SHISAL2A: variants seen among roughly 807,000 people sequenced by gnomAD.
SHISAL2A encodes shisa like 2A, also known as protein shisa-like-2A.
In SHISAL2A, 18 loss-of-function variants were observed where a neutral mutation model predicts 11.5. The ratio of observed to expected loss-of-function variants is 1.57; its 90% CI spans 1.08 to 2.33. The LOEUF is 2.33. Among genes scored for constraint, SHISAL2A ranks in the 30% most tolerant of loss-of-function variants. The pLI is 0.00. For missense variants in SHISAL2A, 261 were observed against 250.9 expected (o/e 1.04, Z -0.27); for synonymous variants, 94 against 99.6 (o/e 0.94, Z 0.34).
At position 52,642,880 on chromosome 1, in the gene SHISAL2A, G is replaced by A. The variant is rs1196589373; in HGVS notation, c.200G>A (p.Gly67Asp). ...CTTCCCAGCATTGGCGCTCTCATAG[G>A]CCTGTCCGTAGCAGCAGTGGTTCTT... ...MWWLSIGALI[G>D]LSVAAVVLLA... Residue 67 changes from glycine to aspartate, a missense_variant, in exon 2 of 3, where the codon GGC becomes GAC. Coordinates refer to ENST00000517870, the MANE Select transcript of SHISAL2A (RefSeq NM_001042693.3). 4 of 1,613,312 alleles carry A rather than the reference G, an allele frequency of 2.5e-6. No homozygotes were observed. The highest frequency in any genetic ancestry group is 1.3e-5 in the African/African-American group (1 of 74,858).
chr1:52,633,257 G>T lies in SHISAL2A; in HGVS notation c.-237G>T. 2.9e-6 allele frequency: 1 copy of T among 341,952 alleles called. No homozygotes were observed. Among genetic ancestry groups the T allele is most frequent in the Non-Finnish European group, 5.2e-6 (1 of 191,016 alleles). The allele number at this position is 341,952 out of a possible 1,614,324, so 21.2% of individuals were successfully genotyped here. On this transcript the variant is annotated 5_prime_UTR_variant, in exon 1 of 3. Transcript: ENST00000517870. The surrounding 1 kb of genome is among the most constrained non-coding windows in gnomAD (Gnocchi z 6.4). ...CCAGCAGCCGTCACTCCCGCCGCCGGCCCCCGCCGCCCGCCCCGCCTGCCC... is the reference window on the plus strand; with the variant it reads ...CCAGCAGCCGTCACTCCCGCCGCCGTCCCCCGCCGCCCGCCCCGCCTGCCC...
At chr1:52,662,862 A>C (rs1243392630) in intron 4 of SHISAL2A, among the ~76,000 whole-genome samples, 1 of 152,186 alleles carries the variant, frequency 6.6e-6, no homozygotes, top group African/African-American at 2.4e-5. Context: ...TGCTAGGTTA[A>C]ATAGACAGTT....
downstream of SHISAL2A, among the ~76,000 whole-genome samples, chr1:52,660,104 C>T (rs1691874018): frequency 6.6e-6 from 1 of 152,142 alleles, no homozygotes; most frequent in African/African-American, 2.4e-5. Flanking sequence ...CCAGGTGATG[C>T]TGATGATGCT....
At chr1:52,636,978 C>G (rs2149872815) in intron 1 of SHISAL2A, among the ~76,000 whole-genome samples, 2 of 152,320 alleles carry the variant, frequency 1.3e-5, no homozygotes, top group African/African-American at 4.8e-5. Flanking sequence ...CAGCACCCAG[C>G]CAGGACCCTT....
chr1:52,655,784 A>G (rs984210369), intron 2 of SHISAL2A, among the ~76,000 whole-genome samples: 2 of 152,240 alleles, frequency 1.3e-5, no homozygotes, highest in Non-Finnish European at 2.9e-5. Context: ...AAGCTTTCAG[A>G]AAGAATAGTA....
upstream of SHISAL2A, among the ~76,000 whole-genome samples, chr1:52,633,131 G>C (rs895105664): frequency 1.3e-5 from 2 of 152,204 alleles, no homozygotes; most frequent in Non-Finnish European, 2.9e-5. The surrounding 1 kb of genome is among the most constrained non-coding windows in gnomAD (Gnocchi z 6.4). Context: ...CGTGCAGGCA[G>C]GGGGAGCGCA....
At chr1:52,646,738 C>T (rs2485917) in intron 2 of SHISAL2A, among the ~76,000 whole-genome samples, 129,212 of 152,162 alleles carry the variant, frequency 0.85, 54,964 homozygotes, top group Middle Eastern at 0.9. Flanking sequence ...TCTCATGGTA[C>T]AAGCAAGTGT....
intron 2 of SHISAL2A, among the ~76,000 whole-genome samples, chr1:52,644,861 C>T (rs1691459953): frequency 6.7e-6 from 1 of 149,014 alleles, no homozygotes; most frequent in African/African-American, 2.5e-5. Flanking sequence ...ACTAAAAATA[C>T]AAAAAATTAG....
chr1:52,633,731 A>C lies in SHISAL2A; in HGVS notation c.182+56A>C. 1 of 1,467,520 alleles carries C rather than the reference A, an allele frequency of 6.8e-7. No individual in the cohort carries two copies. Among genetic ancestry groups the C allele is most frequent in the East Asian group, 2.5e-5 (1 of 40,352 alleles). 90.9% of individuals were successfully genotyped at this position (1,467,520 alleles called of 1,614,324 possible). A position where few individuals can be genotyped will look rare whatever the true frequency, so the allele number is the denominator to read the frequency against. ...ACCCCACTCCAGTCTCAGCGCCTTC[A>C]CCCCAGCCTCAGCCCCCACCCGAGT... On this transcript the variant is annotated intron_variant, in intron 1 of 2. Coordinates refer to ENST00000517870, the MANE Select transcript of SHISAL2A (RefSeq NM_001042693.3). This position sits in a 1 kb window ranked among gnomAD's most constrained non-coding sequence, Gnocchi z 6.4.
At chr1:52,647,265 A>G (rs375068996) in intron 2 of SHISAL2A, among the ~76,000 whole-genome samples, 8 of 152,344 alleles carry the variant, frequency 5.3e-5, no homozygotes, top group South Asian at 2.1e-4. Flanking sequence ...ACAAAGTTAC[A>G]TATTGATCAG....
chr1:52,638,039 G>T (rs772237771), intron 1 of SHISAL2A, among the ~76,000 whole-genome samples: 6 of 152,154 alleles, frequency 3.9e-5, no homozygotes, highest in Non-Finnish European at 8.8e-5. Context: ...GAACAACTCG[G>T]ATCATTTGAA....
At chr1:52,640,326 T>C (rs769962947) in intron 1 of SHISAL2A, among the ~76,000 whole-genome samples, 14 of 152,086 alleles carry the variant, frequency 9.2e-5, no homozygotes, top group Non-Finnish European at 1.5e-4. Flanking sequence ...GAAGAAAGGG[T>C]AGGCAAGGAC....
chr1:52,648,355 G>A (rs915256495), intron 2 of SHISAL2A, among the ~76,000 whole-genome samples: 10 of 152,112 alleles, frequency 6.6e-5, no homozygotes, highest in African/African-American at 2.4e-4. Flanking sequence ...ATACAATATA[G>A]GCAAAAGGAA....
intron 2 of SHISAL2A, among the ~76,000 whole-genome samples, chr1:52,644,381 A>G (rs1205621339): frequency 6.6e-6 from 1 of 152,234 alleles, no homozygotes; most frequent in Non-Finnish European, 1.5e-5. Context: ...TGGGCACCAC[A>G]GGGAATAAGG....
At chr1:52,636,982 G>T (rs1272302232) in intron 1 of SHISAL2A, among the ~76,000 whole-genome samples, 1 of 152,278 alleles carries the variant, frequency 6.6e-6, no homozygotes, top group African/African-American at 2.4e-5. Context: ...ACCCAGCCAG[G>T]ACCCTTTCCC....
chr1:52,647,552 A>G (rs1398022359), intron 2 of SHISAL2A, among the ~76,000 whole-genome samples: 1 of 152,146 alleles, frequency 6.6e-6, no homozygotes, highest in Non-Finnish European at 1.5e-5. Context: ...CAATTCAAAA[A>G]TGATACATCC....
In SHISAL2A at chr1:52,634,825, A is replaced by G. The variant is rs138580665; in HGVS notation, c.182+1150A>G. ...TTCTCAAGTCTCTGGCTTTTCATCT[A>G]TCAAACGGGCAGTAGGATGATCAAT... On this transcript the variant is annotated intron_variant, in intron 1 of 2. Coordinates refer to ENST00000517870, the MANE Select transcript of SHISAL2A (RefSeq NM_001042693.3). Among the ~76,000 whole-genome samples the G allele has an allele frequency of 4.6e-4, 70 of 152,296 alleles. No homozygotes were observed. In the East Asian group the frequency reaches 0.013, roughly 29 times the overall value.
chr1:52,643,267 A>G (rs368223316), intron 2 of SHISAL2A, among the ~76,000 whole-genome samples: 18 of 152,334 alleles, frequency 1.2e-4, no homozygotes, highest in East Asian at 9.6e-4. Context: ...ATTGTTTAAG[A>G]TGATGTTTTA....
At chr1:52,657,173 A>C (rs987777038), downstream of SHISAL2A, 395 of 1,222,598 alleles carry the variant, frequency 3.2e-4, 1 homozygote, top group East Asian at 6.2e-4. Flanking sequence ...CCTGCTGTGG[A>C]CCCTGCCATA....
Sources: allele counts gnomAD v4.1 joint callset (sites outside exome capture counted in the v4.1 genomes callset), GRCh38; gene constraint gnomAD v4.1.1; non-coding constraint Gnocchi (gnomAD v3.1); transcripts MANE v1.5; gene names NCBI Gene and HGNC (gene_info 2026-07-23, HGNC 2026-07-21).